The following MSH4 variants were observed in gnomAD, a reference collection of about 807,000 sequenced individuals.
MSH4 encodes mutS homolog 4, also known as mutS protein homolog 4.
A neutral mutation model predicts 113.7 loss-of-function variants in MSH4; 106 were observed. The observed-to-expected ratio is 0.93, with a 90% CI of 0.80 to 1.10. The LOEUF (loss-of-function observed/expected upper bound fraction) is 1.10. Ranked by LOEUF, MSH4 falls within the 50% of genes least tolerant of loss-of-function variation. The probability of loss-of-function intolerance (pLI) is 0.00; values close to 1 mark genes in which losing one functional copy is unlikely to be tolerated. For synonymous variants in MSH4, 368 were observed against 380.2 expected, an observed-to-expected ratio of 0.97 and a Z score of 0.37; for missense variants, 1,061 against 1,093.7, an observed-to-expected ratio of 0.97 and a Z score of 0.42.
chr1:75,812,956 GAGA>G (rs1413909264), intron 4 of MSH4, among the ~76,000 whole-genome samples: 5 of 152,136 alleles, frequency 3.3e-5, no homozygotes, highest in East Asian at 3.9e-4. Context: ...AGGCTTAGTT[GAGA>G]AGAAGGCTTA....
chr1:75,897,855 T>A, intron 17 of MSH4, 52 bp from the exon 18 acceptor site: 1 of 1,160,360 alleles, frequency 8.6e-7, no homozygotes. Context: ...AAAATAGAAT[T>A]TTCTAGTTAA....
chr1:75,811,028 C>T (rs890957014), intron 4 of MSH4, among the ~76,000 whole-genome samples: 1 of 152,068 alleles, frequency 6.6e-6, no homozygotes, highest in African/African-American at 2.4e-5. Flanking sequence ...TGTGTTACCA[C>T]ACCCAGCTAA....
chr1:75,899,376 A>T (rs1652458370), intron 18 of MSH4, among the ~76,000 whole-genome samples: 1 of 152,138 alleles, frequency 6.6e-6, no homozygotes, highest in African/African-American at 2.4e-5. Context: ...TCAGAGCTAT[A>T]TTGAGAGGTA....
chr1:75,865,974 A>T (rs1183958884), intron 8 of MSH4, among the ~76,000 whole-genome samples: 6 of 152,166 alleles, frequency 3.9e-5, no homozygotes, highest in Non-Finnish European at 8.8e-5. Flanking sequence ...TCCGCAGTCA[A>T]CCTTTGTCAT....
intron 15 of MSH4, among the ~76,000 whole-genome samples, chr1:75,884,670 G>C (rs1011964777): frequency 4.6e-5 from 7 of 151,902 alleles, no homozygotes; most frequent in Non-Finnish European, 4.4e-5. Flanking sequence ...GATTTATTGA[G>C]CCCAAGATAC....
At chr1:75,863,408 G>A (rs1039080241) in intron 8 of MSH4, among the ~76,000 whole-genome samples, 2 of 151,976 alleles carry the variant, frequency 1.3e-5, no homozygotes, top group African/African-American at 4.8e-5. Context: ...AGACGCTTGG[G>A]TCAAAGAGAA....
intron 8 of MSH4, among the ~76,000 whole-genome samples, chr1:75,858,617 G>A (rs868119109): frequency 2.0e-5 from 3 of 152,106 alleles, no homozygotes; most frequent in African/African-American, 2.4e-5. Flanking sequence ...GGATGAAGCC[G>A]ACTTGATTGT....
chr1:75,807,133 T>C lies in MSH4; in HGVS notation c.580T>C (p.Tyr194His). 1 of 1,556,600 alleles carries C rather than the reference T, an allele frequency of 6.4e-7. No individual in the cohort carries two copies. Among genetic ancestry groups the C allele is most frequent in the Non-Finnish European group, 8.6e-7 (1 of 1,161,306 alleles). ...ILSQFADNTT[Y>H]AKVITKLKIL... ...ATCCCAGTTTGCAGACAACACAACA[T>C]ATGCAAAGGTAAGTATTAATAATTC... The change falls in exon 3 of 20, where the codon TAT (tyrosine) becomes CAT (histidine). Residue 194 changes from tyrosine (Y) to histidine (H), a missense_variant. Coordinates refer to ENST00000263187, the MANE Select transcript of MSH4 (RefSeq NM_002440.4).
At chr1:75,798,732 T>C (rs1008587057) in intron 1 of MSH4, among the ~76,000 whole-genome samples, 1 of 151,790 alleles carries the variant, frequency 6.6e-6, no homozygotes, top group African/African-American at 2.4e-5. Context: ...ATTTAAAAAA[T>C]TTTTTTGTAG....
At position 75,835,702 on chromosome 1, in the gene MSH4, A is replaced by G. The variant is rs557093862; in HGVS notation, c.1163-12507A>G. Among the ~76,000 whole-genome samples the G allele has an allele frequency of 9.2e-5, 14 of 152,236 alleles. No homozygotes were observed. In the South Asian group the frequency reaches 2.7e-3, roughly 29 times the overall value. ...TTCCTCATGTCTCTCCTATCTTTGT[A>G]AAAACTCTCCCTGGACTTCATCTTT... On this transcript the variant is annotated intron_variant, in intron 7 of 19. Coordinates refer to ENST00000263187, the MANE Select transcript of MSH4 (RefSeq NM_002440.4).
chr1:75,852,627 G>A (rs961431066), intron 8 of MSH4, among the ~76,000 whole-genome samples: 54 of 152,186 alleles, frequency 3.5e-4, no homozygotes, highest in African/African-American at 1.1e-3. Context: ...TGACAATGTC[G>A]AGCATCTTTT....
intron 8 of MSH4, among the ~76,000 whole-genome samples, chr1:75,850,925 T>A (rs1651173741): frequency 6.6e-6 from 1 of 152,172 alleles, no homozygotes; most frequent in Non-Finnish European, 1.5e-5. Flanking sequence ...GTTGTCATTA[T>A]GAAATGATGC....
At chr1:75,816,266 T>G in intron 5 of MSH4, 107 bp from the exon 6 acceptor site, 1 of 676,960 alleles carries the variant, frequency 1.5e-6, no homozygotes, top group Non-Finnish European at 2.2e-6. Flanking sequence ...ACCTTTTCCT[T>G]TTGAGTTTAA....
intron 7 of MSH4, among the ~76,000 whole-genome samples, chr1:75,832,084 T>TA (rs1296428834): frequency 1.4e-4 from 21 of 151,976 alleles, no homozygotes; most frequent in Non-Finnish European, 8.8e-5. Flanking sequence ...ATAGATGCAA[T>TA]AAAAAATGAT....
chr1:75,896,346 AACAC>A (rs4035039), intron 17 of MSH4, among the ~76,000 whole-genome samples: 13,273 of 137,170 alleles, frequency 0.097, 648 homozygotes, highest in Admixed American at 0.11. Context: ...ACACACATAC[AACAC>A]ACACACACAC....
At position 75,848,275 on chromosome 1, in the gene MSH4, CG is replaced by C. The variant is rs763549224; in HGVS notation, c.1230+1del. The C allele has an allele frequency of 6.3e-7, 1 of 1,591,360 alleles. No homozygotes were observed. The highest frequency in any genetic ancestry group is 8.6e-7 in the Non-Finnish European group (1 of 1,160,994). On this transcript the variant is annotated frameshift_variant and splice_region_variant, in exon 8 of 20. Coordinates refer to ENST00000263187, the MANE Select transcript of MSH4 (RefSeq NM_002440.4). LOFTEE classifies it high-confidence loss of function. ...TTAGTCCAAATTCCAAAGCAAGACA[CG>C]GTATGTTTTTGTATACATTTTGTAT... Reference protein sequence around the residue: ...SVLVQIPKQDTVNAAESKITN... With the variant: ...SVLVQIPKQDXVNAAESKITN...
Position 75,899,627 on chromosome 1 carries a change from C to T in MSH4, c.2540C>T (p.Ala847Val), listed in dbSNP as rs1003225448. 6.7e-6 allele frequency: 10 copies of T among 1,492,794 alleles called. No individual in the cohort carries two copies. The Admixed American group carries it at 7.4e-5, about 11-fold the overall frequency. The allele number at this position is 1,492,794 out of a possible 1,614,324, so 92.5% of individuals were successfully genotyped here. A position where few individuals can be genotyped will look rare whatever the true frequency, so the allele number is the denominator to read the frequency against. ...AAACAAATAATTCTAGGATTAAAAG[C>T]TGCAGAGGTGTCATCACTTCCACCA... ...LTEEKNYGLK[A>V]AEVSSLPPSI... The change falls in exon 19 of 20, where the codon GCT becomes GTT. Residue 847 changes from alanine (A) to valine (V), a missense_variant. By Grantham distance (64) the Ala-to-Val change is moderately conservative. Coordinates refer to ENST00000263187, the MANE Select transcript of MSH4 (RefSeq NM_002440.4).
intron 9 of MSH4, among the ~76,000 whole-genome samples, chr1:75,876,039 C>T (rs1487426789): frequency 6.6e-6 from 1 of 151,986 alleles, no homozygotes; most frequent in Non-Finnish European, 1.5e-5. Context: ...ATAAGGTGTA[C>T]ATGAAACATA....
chr1:75,898,242 T>C (rs559392208), intron 18 of MSH4, among the ~76,000 whole-genome samples, 161 bp downstream of exon 18: 1 of 152,244 alleles, frequency 6.6e-6, no homozygotes, highest in South Asian at 2.1e-4. Flanking sequence ...AAGCTCATTG[T>C]ATCTATATCT....
Sources: allele counts gnomAD v4.1 joint callset (sites outside exome capture counted in the v4.1 genomes callset), GRCh38; gene constraint gnomAD v4.1.1; transcripts MANE v1.5; gene names NCBI Gene and HGNC (gene_info 2026-07-23, HGNC 2026-07-21).